The following ANKRD36 variants were observed in gnomAD, a reference collection of about 807,000 sequenced individuals.
ANKRD36 encodes ankyrin repeat domain 36.
A neutral mutation model predicts 278.1 loss-of-function variants in ANKRD36; 179 were observed. That is an observed-to-expected ratio of 0.64 (90% CI 0.57 to 0.73). ANKRD36 has a LOEUF of 0.73. Among genes scored for constraint, ANKRD36 ranks in the 30% least tolerant of loss-of-function variants. ANKRD36 has a pLI of 0.00. For missense variants in ANKRD36, 1,159 were observed against 1,956.7 expected (o/e 0.59, Z 7.69); for synonymous variants, 320 against 641.1 (o/e 0.50, Z 7.57).
At chr2:97,224,449 TTTG>T (rs1348308127) in intron 66 of ANKRD36, among the ~76,000 whole-genome samples, 7 of 141,870 alleles carry the variant, frequency 4.9e-5, no homozygotes, top group African/African-American at 1.6e-4. Context: ...TTTTTGTTTT[TTTG>T]TTTTTTTTTT....
At chr2:97,208,047 T>C in intron 54 of ANKRD36, 41 bp downstream of exon 54, 2 of 1,472,162 alleles carry the variant, frequency 1.4e-6, no homozygotes, top group Non-Finnish European at 1.8e-6. Flanking sequence ...TCAGTGCAGA[T>C]AGATAAGAAG....
Position 97,191,011 on chromosome 2 carries a change from T to C in ANKRD36, c.2274+5T>C. The stretch of plus-strand genomic sequence containing the variant: ...CAGAAACAACCAGCCTTGAAGGTAA[T>C]TAAACTCTCATTTATATTGTGAACT... On this transcript the variant is annotated splice_donor_5th_base_variant and intron_variant, in intron 35 of 75. Transcript: ENST00000420699. 6.2e-7 allele frequency: 1 copy of C among 1,605,256 alleles called. No homozygotes were observed. The highest frequency in any genetic ancestry group is 1.1e-5 in the South Asian group (1 of 90,598).
At chr2:97,192,725 C>A in intron 36 of ANKRD36, 133 bp from the exon 37 acceptor site, 2 of 1,289,888 alleles carry the variant, frequency 1.6e-6, no homozygotes, top group Non-Finnish European at 1.1e-6. Flanking sequence ...AGTCCCCAGA[C>A]TAAAAGTAGA....
chr2:97,196,420 C>G lies in ANKRD36; in HGVS notation c.2552-173C>G, dbSNP rs62154817. On this transcript the variant is annotated intron_variant, in intron 40 of 75. Transcript: ENST00000420699. ...GGTATATTTCATGGAGCCTGTATTCCCTTTTCTTAGTGTATTTCTGTCATG... is the reference window on the plus strand; with the variant it reads ...GGTATATTTCATGGAGCCTGTATTCGCTTTTCTTAGTGTATTTCTGTCATG... Among the ~76,000 whole-genome samples the G allele has an allele frequency of 1.4e-4, 21 of 152,060 alleles. 1 individual carries two copies. The East Asian group carries it at 3.3e-3, about 24-fold the overall frequency.
intron 46 of ANKRD36, among the ~76,000 whole-genome samples, chr2:97,201,638 A>G (rs1434341911): frequency 2.6e-5 from 4 of 151,956 alleles, no homozygotes; most frequent in African/African-American, 9.7e-5. Flanking sequence ...GATAATGAAT[A>G]TTATGTACTA....
At chr2:97,147,405 T>C (rs2044550786) in intron 11 of ANKRD36, among the ~76,000 whole-genome samples, 2 of 152,022 alleles carry the variant, frequency 1.3e-5, no homozygotes, top group South Asian at 2.1e-4. Flanking sequence ...CATTTTCCTA[T>C]AGACACAATC....
chr2:97,205,997 C>A (rs759425990), intron 51 of ANKRD36, 29 bp downstream of exon 51: 7 of 1,548,396 alleles, frequency 4.5e-6, no homozygotes, highest in Non-Finnish European at 6.1e-6. Flanking sequence ...ATATTGTGAA[C>A]GAGTTAATAT....
intron 30 of ANKRD36, among the ~76,000 whole-genome samples, chr2:97,186,183 G>C (rs1359590407): frequency 6.6e-6 from 1 of 151,596 alleles, no homozygotes; most frequent in Non-Finnish European, 1.5e-5. Flanking sequence ...GCTACTATTA[G>C]GCATAAGACA....
chr2:97,129,240 T>C (rs1027587917), intron 6 of ANKRD36, among the ~76,000 whole-genome samples: 1 of 152,150 alleles, frequency 6.6e-6, no homozygotes, highest in African/African-American at 2.4e-5. Context: ...TGAGCATTTT[T>C]TCATGTTTTT....
chr2:97,193,582 G>C (rs1296136659), intron 38 of ANKRD36, among the ~76,000 whole-genome samples: 1 of 150,188 alleles, frequency 6.7e-6, no homozygotes, highest in Non-Finnish European at 1.5e-5. Context: ...GGAAACCTGA[G>C]TGAACTCACT....
chr2:97,176,331 A>C (rs1191252887), intron 22 of ANKRD36, among the ~76,000 whole-genome samples: 17 of 148,772 alleles, frequency 1.1e-4, no homozygotes, highest in Admixed American at 6.7e-4. Context: ...ATATATATTT[A>C]GGATAGTTAG....
At chr2:97,181,528 A>G in intron 24 of ANKRD36, 70 bp from the exon 25 acceptor site, 1 of 1,594,690 alleles carries the variant, frequency 6.3e-7, no homozygotes, top group Non-Finnish European at 8.5e-7. Context: ...TGATGCTAAC[A>G]CTGCATGAAT....
intron 6 of ANKRD36, among the ~76,000 whole-genome samples, chr2:97,129,531 C>T (rs1433308464): frequency 3.9e-5 from 6 of 152,026 alleles, no homozygotes; most frequent in East Asian, 1.9e-4. Flanking sequence ...GTGTTTTAGA[C>T]GTGAAGTCCT....
At chr2:97,142,598 A>G (rs1411260039) in intron 6 of ANKRD36, 42 bp from the exon 7 acceptor site, 2 of 1,605,694 alleles carry the variant, frequency 1.2e-6, no homozygotes, top group Admixed American at 1.7e-5. Context: ...TAATTTTATC[A>G]TATTTACATA....
At chr2:97,147,107 G>C (rs920599493) in intron 11 of ANKRD36, among the ~76,000 whole-genome samples, 11 of 151,752 alleles carry the variant, frequency 7.2e-5, no homozygotes, top group African/African-American at 2.4e-4. Flanking sequence ...TTATTTTACT[G>C]TGCATGGAGA....
chr2:97,196,438 C>G (rs950477443), intron 40 of ANKRD36, among the ~76,000 whole-genome samples, 155 bp from the exon 41 acceptor site: 1 of 151,996 alleles, frequency 6.6e-6, no homozygotes, highest in Non-Finnish European at 1.5e-5. Context: ...TAGTGTATTT[C>G]TGTCATGTTC....
Position 97,113,596 on chromosome 2 carries a change from G to A in ANKRD36, c.-144G>A. On this transcript the variant is annotated 5_prime_UTR_variant, in exon 1 of 76. Transcript: ENST00000420699. ...GCTGGTTCTAACCCTTCTGTTGGGC[G>A]TTTCTGCTGAGAGGCGGGAGGCGCT... The A allele has an allele frequency of 4.8e-6, 5 of 1,044,070 alleles. No homozygotes were observed. The highest frequency in any genetic ancestry group is 3.1e-4 in the Middle Eastern group (1 of 3,224). The allele number at this position is 1,044,070 out of a possible 1,614,324, so 64.7% of individuals were successfully genotyped here.
chr2:97,215,940 T>C (rs1558857822), intron 62 of ANKRD36: 1 of 346,996 alleles, frequency 2.9e-6, no homozygotes. Flanking sequence ...GTAGTAATTA[T>C]TTTCCGCAAG....
At chr2:97,199,077 G>A (rs1425231091) in intron 44 of ANKRD36, among the ~76,000 whole-genome samples, 17 of 151,900 alleles carry the variant, frequency 1.1e-4, no homozygotes, top group Non-Finnish European at 8.8e-5. Flanking sequence ...GAACTAAGGA[G>A]ACCCCTGGTG....
Sources: allele counts gnomAD v4.1 joint callset (sites outside exome capture counted in the v4.1 genomes callset), GRCh38; gene constraint gnomAD v4.1.1; transcripts MANE v1.5; gene names NCBI Gene and HGNC (gene_info 2026-07-23, HGNC 2026-07-21).